The following SPATS2L variants were observed in gnomAD, a reference collection of about 807,000 sequenced individuals.
SPATS2L encodes the protein SPATS2-like protein.
A neutral mutation model predicts 59.6 loss-of-function variants in SPATS2L; 30 were observed. The ratio of observed to expected loss-of-function variants is 0.50; its 90% CI spans 0.38 to 0.68. SPATS2L has a LOEUF of 0.68. SPATS2L is among the 30% of genes least tolerant of loss of function. The pLI is 0.00. For missense variants in SPATS2L, 615 were observed against 700.0 expected, an observed-to-expected ratio of 0.88 and a Z score of 1.37; for synonymous variants, 252 against 263.5, an observed-to-expected ratio of 0.96 and a Z score of 0.42.
chr2:200,457,312 A>G (rs572807997), intron 8 of SPATS2L, among the ~76,000 whole-genome samples: 7 of 152,206 alleles, frequency 4.6e-5, no homozygotes, highest in South Asian at 4.1e-4. Flanking sequence ...GCTCATAATC[A>G]CAGGAGCACA....
intron 1 of SPATS2L, among the ~76,000 whole-genome samples, chr2:200,315,505 C>A (rs1406483095): frequency 6.6e-6 from 1 of 152,160 alleles, no homozygotes; most frequent in Non-Finnish European, 1.5e-5. Context: ...CTCTGAGATT[C>A]CCCATCCTGC....
chr2:200,433,515 A>C (rs2084076542), intron 6 of SPATS2L, among the ~76,000 whole-genome samples: 1 of 152,130 alleles, frequency 6.6e-6, no homozygotes, highest in African/African-American at 2.4e-5. Context: ...AAATCTCTGA[A>C]CATTTAAAAA....
intron 2 of SPATS2L, among the ~76,000 whole-genome samples, chr2:200,333,500 T>G (rs1259330622): frequency 6.6e-6 from 1 of 151,874 alleles, no homozygotes; most frequent in Non-Finnish European, 1.5e-5. Context: ...TATTTTTTAT[T>G]TTATTTTATT....
At chr2:200,358,682 A>G (rs947087360) in intron 2 of SPATS2L, among the ~76,000 whole-genome samples, 3 of 151,794 alleles carry the variant, frequency 2.0e-5, no homozygotes, top group African/African-American at 7.3e-5. Context: ...AATTTGGTCC[A>G]TCTTCCATGT....
At chr2:200,396,724 A>G (rs867457593) in intron 3 of SPATS2L, among the ~76,000 whole-genome samples, 2 of 152,210 alleles carry the variant, frequency 1.3e-5, no homozygotes, top group South Asian at 2.1e-4. Context: ...AATGCTAAGT[A>G]GTTGTTTTGA....
chr2:200,424,865 G>T (rs1201464379), intron 6 of SPATS2L, among the ~76,000 whole-genome samples: 2 of 152,058 alleles, frequency 1.3e-5, no homozygotes, highest in Admixed American at 6.6e-5. Flanking sequence ...TTGCCTCCTC[G>T]TGTAAAGCAT....
At chr2:200,435,767 T>C (rs2084245388) in intron 6 of SPATS2L, among the ~76,000 whole-genome samples, 1 of 152,142 alleles carries the variant, frequency 6.6e-6, no homozygotes, top group Non-Finnish European at 1.5e-5. Flanking sequence ...CTCACACTCC[T>C]TGTGTATCCT....
intron 2 of SPATS2L, chr2:200,377,885 TAAG>T (rs2081655083): frequency 6.6e-6 from 1 of 152,212 alleles, no homozygotes; most frequent in Non-Finnish European, 1.5e-5. Flanking sequence ...GCCTGGAAGA[TAAG>T]AAGCCCTTAG....
At chr2:200,379,697 A>C (rs1174178796) in intron 2 of SPATS2L, among the ~76,000 whole-genome samples, 1 of 147,974 alleles carries the variant, frequency 6.8e-6, no homozygotes, top group East Asian at 2.1e-4. Context: ...GGTGGGGGGG[A>C]TGGGGGAGGA....
At chr2:200,456,007 G>T (rs2085809582) in intron 8 of SPATS2L, among the ~76,000 whole-genome samples, 1 of 152,156 alleles carries the variant, frequency 6.6e-6, no homozygotes, top group African/African-American at 2.4e-5. Context: ...GCTCCTCACT[G>T]TCTGACAGCC....
chr2:200,352,145 A>G (rs2080754689), intron 2 of SPATS2L, among the ~76,000 whole-genome samples: 1 of 151,952 alleles, frequency 6.6e-6, no homozygotes. Context: ...TTACAACCAA[A>G]AAAGGTAGTG....
chr2:200,469,883 G>T, intron 10 of SPATS2L, 31 bp from the exon 11 acceptor site: 1 of 1,560,548 alleles, frequency 6.4e-7, no homozygotes, highest in South Asian at 1.2e-5. Context: ...CTGTAATCAT[G>T]GGGTTCCTGC....
At chr2:200,334,578 G>T (rs2080074266) in intron 2 of SPATS2L, among the ~76,000 whole-genome samples, 3 of 151,770 alleles carry the variant, frequency 2.0e-5, no homozygotes, top group Admixed American at 2.0e-4. Flanking sequence ...TAGACATGAA[G>T]TCCTTGCCCA....
intron 2 of SPATS2L, among the ~76,000 whole-genome samples, chr2:200,371,778 A>G (rs1349008609): frequency 1.3e-5 from 2 of 152,186 alleles, no homozygotes; most frequent in East Asian, 1.9e-4. Flanking sequence ...AGCTTCACCA[A>G]CTTGCAGATT....
At chr2:200,380,806 A>T (rs2081782700) in intron 2 of SPATS2L, among the ~76,000 whole-genome samples, 1 of 152,190 alleles carries the variant, frequency 6.6e-6, no homozygotes, top group South Asian at 2.1e-4. Flanking sequence ...TGCAACCTTG[A>T]GTTTTTTTCT....
chr2:200,476,236 CT>C (rs2087511034), intron 12 of SPATS2L, among the ~76,000 whole-genome samples: 1 of 152,030 alleles, frequency 6.6e-6, no homozygotes, highest in East Asian at 1.9e-4. Flanking sequence ...ATTTTCTTTG[CT>C]TATAACTGCA....
intron 1 of SPATS2L, among the ~76,000 whole-genome samples, chr2:200,328,593 G>A (rs879849047): frequency 3.3e-5 from 5 of 152,242 alleles, no homozygotes; most frequent in Non-Finnish European, 7.4e-5. Context: ...CTTCTTTCCA[G>A]TGCCTCCCTC....
chr2:200,405,683 G>T (rs1193287494), intron 3 of SPATS2L, among the ~76,000 whole-genome samples: 1 of 152,320 alleles, frequency 6.6e-6, no homozygotes, highest in East Asian at 1.9e-4. Flanking sequence ...GAATGGCTCA[G>T]CATTTGAGAA....
Position 200,439,240 on chromosome 2 carries a change from C to A in SPATS2L, c.564C>A (p.Ser188Arg). The A allele has an allele frequency of 1.2e-6, 2 of 1,613,722 alleles. No homozygotes were observed. ...CAGCTGAGCAGCCTTGTAACCCAAGCAAGCCTAAGGCAAAAACATCTCCTG... is the reference window on the plus strand; with the variant it reads ...CAGCTGAGCAGCCTTGTAACCCAAGAAAGCCTAAGGCAAAAACATCTCCTG... ...QWSAEQPCNP[S>R]KPKAKTSPVK... Residue 188 changes from serine (S) to arginine (R), a missense_variant, in exon 7 of 13, where the codon AGC (serine) becomes AGA (arginine). Ser to Arg is a moderately radical substitution (Grantham distance 110, BLOSUM62 -1). Coordinates refer to ENST00000409140, the MANE Select transcript of SPATS2L (RefSeq NM_001100423.2).
Sources: gnomAD v4.1 joint callset for allele counts (sites outside exome capture counted in the v4.1 genomes callset) on GRCh38, gnomAD v4.1.1 for gene constraint, MANE v1.5 for transcripts, NCBI Gene and HGNC (gene_info 2026-07-23, HGNC 2026-07-21) for gene names.